The following OLFM1 variants were observed in gnomAD, a reference collection of about 807,000 sequenced individuals.
OLFM1 encodes noelin.
Under a neutral mutation model 49.7 loss-of-function variants are expected in OLFM1, and 9 were observed. The ratio of observed to expected loss-of-function variants is 0.18; its 90% CI spans 0.11 to 0.32. OLFM1 has a LOEUF of 0.32. Among genes scored for constraint, OLFM1 ranks in the 10% least tolerant of loss-of-function variants. The pLI is 1.00. For synonymous variants in OLFM1, 240 were observed against 271.8 expected, an observed-to-expected ratio of 0.88 and a Z score of 1.15; for missense variants, 369 against 661.8, an observed-to-expected ratio of 0.56 and a Z score of 4.85.
At chr9:135,100,912 AGAT>A (rs1830861618) in intron 4 of OLFM1, among the ~76,000 whole-genome samples, 10 of 131,764 alleles carry the variant, frequency 7.6e-5, no homozygotes, top group African/African-American at 2.1e-4. Context: ...GTAGTTAGAT[AGAT>A]AAATGATTGA....
chr9:135,098,565 G>GA lies in OLFM1; in HGVS notation c.676+60_676+61insA, dbSNP rs1830830259. The GA allele has an allele frequency of 6.8e-7, 1 of 1,480,434 alleles. No individual in the cohort carries two copies. The highest frequency in any genetic ancestry group is 1.7e-5 in the Admixed American group (1 of 58,668). 91.7% of individuals were successfully genotyped at this position (1,480,434 alleles called of 1,614,324 possible). A position where few individuals can be genotyped will look rare whatever the true frequency, so the allele number is the denominator to read the frequency against. On this transcript the variant is annotated intron_variant, in intron 4 of 5. Coordinates refer to ENST00000371793, the MANE Select transcript of OLFM1 (RefSeq NM_001282611.2). This position sits in a 1 kb window ranked among gnomAD's most constrained non-coding sequence, Gnocchi z 5.6. ...CTGCCCACCTCCGGCACACGCACAGGCTTAGGGAGTGGTGCTGAAGTGGAC... is the reference window on the plus strand; with the variant it reads ...CTGCCCACCTCCGGCACACGCACAGGACTTAGGGAGTGGTGCTGAAGTGGAC...
upstream of OLFM1, chr9:135,087,476 T>G: frequency 6.6e-7 from 1 of 1,508,932 alleles, no homozygotes. Context: ...GGTGTGTCCG[T>G]CTCCTCATGT....
At position 135,114,411 on chromosome 9, in the gene OLFM1, A is replaced by G. The variant is rs113293748; in HGVS notation, c.784-5093A>G. 1.5e-3 allele frequency among the ~76,000 whole-genome samples: 221 copies of G among 152,182 alleles called. 3 individuals are homozygous for G. The highest frequency in any genetic ancestry group is 5.2e-3 in the African/African-American group (214 of 41,542). Reference sequence around the variant, plus strand: ...ATTACAAGCGTAAGCCCCCATGCCCAGCCGAGATTCTTAATCCTATCTGCA... The same window carrying G: ...ATTACAAGCGTAAGCCCCCATGCCCGGCCGAGATTCTTAATCCTATCTGCA... On this transcript the variant is annotated intron_variant, in intron 5 of 5. Coordinates refer to ENST00000371793, the MANE Select transcript of OLFM1 (RefSeq NM_001282611.2).
chr9:135,107,391 A>G (rs2119130934), intron 5 of OLFM1, among the ~76,000 whole-genome samples: 1 of 152,370 alleles, frequency 6.6e-6, no homozygotes, highest in African/African-American at 2.4e-5. Flanking sequence ...CCGCTGGGTG[A>G]AACCTCAGAA....
chr9:135,095,799 C>T, intron 2 of OLFM1, 65 bp from the exon 3 acceptor site: 1 of 1,564,634 alleles, frequency 6.4e-7, no homozygotes, highest in Admixed American at 1.7e-5. Flanking sequence ...TCTGTACGAG[C>T]AGGCAGAGAA....
intron 5 of OLFM1, among the ~76,000 whole-genome samples, chr9:135,109,715 C>G (rs572184650): frequency 6.6e-6 from 1 of 151,372 alleles, no homozygotes; most frequent in South Asian, 2.1e-4. Flanking sequence ...ATAACTCGCT[C>G]CAAAAAAAAA....
chr9:135,116,344 C>G (rs1014856632), intron 5 of OLFM1, among the ~76,000 whole-genome samples: 9 of 152,146 alleles, frequency 5.9e-5, no homozygotes, highest in Non-Finnish European at 1.5e-5. Context: ...CTGCCTGAGC[C>G]TGTGCACCGT....
intron 1 of OLFM1, chr9:135,076,126 G>T: frequency 6.5e-7 from 1 of 1,548,650 alleles, no homozygotes; most frequent in Non-Finnish European, 8.7e-7. Flanking sequence ...GGCTGCTATT[G>T]TCATCTGGAG....
At chr9:135,076,989 G>C (rs750916940) in intron 1 of OLFM1, 2 of 1,550,560 alleles carry the variant, frequency 1.3e-6, no homozygotes, top group East Asian at 4.9e-5. Context: ...ATGTCGTCCC[G>C]CTTACCCTCA....
At chr9:135,099,594 G>A (rs937251848) in intron 4 of OLFM1, among the ~76,000 whole-genome samples, 15 of 152,292 alleles carry the variant, frequency 9.8e-5, no homozygotes, top group East Asian at 1.9e-4. Flanking sequence ...ATTTTTAAAC[G>A]CTCTTCTAGG....
At chr9:135,076,061 C>T in intron 1 of OLFM1, 2 of 1,453,988 alleles carry the variant, frequency 1.4e-6, no homozygotes, top group South Asian at 3.0e-5. Context: ...TCCTAGGACT[C>T]CGCTGCCCCC....
chr9:135,115,094 C>A (rs1831079191), intron 5 of OLFM1, among the ~76,000 whole-genome samples: 1 of 152,220 alleles, frequency 6.6e-6, no homozygotes, highest in Non-Finnish European at 1.5e-5. Flanking sequence ...ATCCTTTCCT[C>A]AAGACCGCTA....
chr9:135,110,612 G>A (rs946721792), intron 5 of OLFM1, among the ~76,000 whole-genome samples: 5 of 152,068 alleles, frequency 3.3e-5, no homozygotes, highest in Admixed American at 6.5e-5. Flanking sequence ...TCCGCCCGCC[G>A]CCAGTGGTGC....
At chr9:135,077,633 AG>A (rs534025873) in intron 1 of OLFM1, among the ~76,000 whole-genome samples, 6 of 152,200 alleles carry the variant, frequency 3.9e-5, no homozygotes, top group Non-Finnish European at 7.3e-5. Context: ...TCCGCGGGTC[AG>A]GAAGGGAAAT....
chr9:135,087,490 C>A, upstream of OLFM1: 1 of 1,479,190 alleles, frequency 6.8e-7, no homozygotes, highest in South Asian at 1.3e-5. Flanking sequence ...CTCATGTCAC[C>A]CTGATCCCAA....
intron 4 of OLFM1, among the ~76,000 whole-genome samples, chr9:135,099,064 C>T (rs1830837039): frequency 6.6e-6 from 1 of 152,210 alleles, no homozygotes; most frequent in African/African-American, 2.4e-5. Flanking sequence ...GAAAGACCCC[C>T]AGTGTGGGGT....
At chr9:135,116,765 A>G (rs1564281504) in intron 5 of OLFM1, among the ~76,000 whole-genome samples, 1 of 151,922 alleles carries the variant, frequency 6.6e-6, no homozygotes, top group Non-Finnish European at 1.5e-5. Flanking sequence ...AGGGGGTTTC[A>G]GCACATGGCC....
At chr9:135,119,308 GAGTACTCACTGGATCTTTGGA>G (rs1831152004) in intron 5 of OLFM1, among the ~76,000 whole-genome samples, 175 bp from the exon 6 acceptor site, 1 of 128,608 alleles carries the variant, frequency 7.8e-6, no homozygotes, top group African/African-American at 3.1e-5. Flanking sequence ...TGGGTCTTTG[GAGTACTCACTGGATCTTTGGA>G]AGTGCTCACG....
In OLFM1 at chr9:135,096,608, G is replaced by A. The variant is rs149373124; in HGVS notation, c.456+589G>A. Among the ~76,000 whole-genome samples, 54 of 152,358 alleles carry A rather than the reference G, an allele frequency of 3.5e-4. 1 individual carries two copies. The East Asian group carries it at 0.01, about 29-fold the overall frequency. The stretch of plus-strand genomic sequence containing the variant: ...TGTGGTTTGGAAGCCAGGGGTCTGA[G>A]ATCCTGCGCTGCCCGAGCCAAGTCG... On this transcript the variant is annotated intron_variant, in intron 3 of 5. Transcript: ENST00000371793.
Sources: gnomAD v4.1 joint callset for allele counts (sites outside exome capture counted in the v4.1 genomes callset) on GRCh38, gnomAD v4.1.1 for gene constraint, Gnocchi (gnomAD v3.1) non-coding constraint, MANE v1.5 for transcripts, NCBI Gene and HGNC (gene_info 2026-07-23, HGNC 2026-07-21) for gene names.